The following NUP153 variants were observed in gnomAD, a reference collection of about 807,000 sequenced individuals.
NUP153 encodes the protein nuclear pore complex protein Nup153.
NUP153 carries 27 observed loss-of-function variants against 134.6 expected under a neutral mutation model. The observed-to-expected ratio is 0.20, with a 90% CI of 0.15 to 0.28. The LOEUF is 0.28. Among genes scored for constraint, NUP153 ranks in the 10% least tolerant of loss-of-function variants. NUP153 has a pLI of 1.00. For missense variants in NUP153, 1,821 were observed against 1,731.3 expected, an observed-to-expected ratio of 1.05 and a Z score of -0.92; for synonymous variants, 640 against 623.5, an observed-to-expected ratio of 1.03 and a Z score of -0.40.
Position 17,632,838 on chromosome 6 carries a change from G to C in NUP153, c.2471C>G (p.Ser824Ter). Reference protein sequence around the residue: ...VSCMSEKPGSSVPASSSSTVP... With the variant: ...VSCMSEKPGS The stretch of plus-strand genomic sequence containing the variant: ...AGTGCTGCTACTTGAAGCAGGTACT[G>C]AACTTCCTAAAAAAAAAAAAAAAAA... Residue 824 changes from serine to a stop codon, truncating the protein, a stop_gained, in exon 17 of 22, where the codon TCA (serine) becomes TGA (stop). Coordinates refer to ENST00000262077, the MANE Select transcript of NUP153 (RefSeq NM_005124.4). LOFTEE classifies it high-confidence loss of function. 2 of 1,209,470 alleles carry C rather than the reference G, an allele frequency of 1.7e-6. No homozygotes were observed. Among genetic ancestry groups the C allele is most frequent in the Non-Finnish European group, 2.3e-6 (2 of 886,332 alleles). The allele number at this position is 1,209,470 out of a possible 1,614,324, so 74.9% of individuals were successfully genotyped here. A position where few individuals can be genotyped will look rare whatever the true frequency, so the allele number is the denominator to read the frequency against.
chr6:17,696,464 T>C (rs1769649603), intron 1 of NUP153, among the ~76,000 whole-genome samples: 1 of 152,012 alleles, frequency 6.6e-6, no homozygotes, highest in South Asian at 2.1e-4. Context: ...GCTTTAAGAT[T>C]TAAAAACAAG....
At chr6:17,704,496 T>C (rs1310655996) in intron 1 of NUP153, among the ~76,000 whole-genome samples, 4 of 152,162 alleles carry the variant, frequency 2.6e-5, no homozygotes, top group Non-Finnish European at 5.9e-5. Flanking sequence ...CGGATTAGGT[T>C]AAATGGCCAG....
At chr6:17,702,806 C>A (rs1770204695) in intron 1 of NUP153, among the ~76,000 whole-genome samples, 2 of 152,184 alleles carry the variant, frequency 1.3e-5, no homozygotes, top group African/African-American at 4.8e-5. Context: ...TTCATATTTG[C>A]TTCTACAATT....
intron 11 of NUP153, 126 bp from the exon 12 acceptor site, chr6:17,649,426 C>A: frequency 1.2e-6 from 1 of 810,616 alleles, no homozygotes; most frequent in East Asian, 3.0e-5. Flanking sequence ...ATGGGTTCTT[C>A]AATCAGAAAA....
At chr6:17,639,836 C>A in intron 15 of NUP153, 103 bp downstream of exon 15, 2 of 1,049,270 alleles carry the variant, frequency 1.9e-6, no homozygotes, top group East Asian at 2.6e-5. Context: ...AATCTCCTAC[C>A]AAACTAGTCA....
chr6:17,668,144 C>T lies in NUP153; in HGVS notation c.1068+831G>A, dbSNP rs541395832. ...AGGCTGGAGTGCAGTGGCGCGGCCTCGGCTCACTGCACCCTCCGCCTCCCG... is the reference window on the plus strand; with the variant it reads ...AGGCTGGAGTGCAGTGGCGCGGCCTTGGCTCACTGCACCCTCCGCCTCCCG... On this transcript the variant is annotated intron_variant, in intron 8 of 21. Coordinates refer to ENST00000262077, the MANE Select transcript of NUP153 (RefSeq NM_005124.4). Among the ~76,000 whole-genome samples the T allele has an allele frequency of 5.5e-5, 8 of 145,296 alleles. No individual in the cohort carries two copies. In the South Asian group the frequency reaches 8.9e-4, roughly 16 times the overall value.
chr6:17,701,593 G>A (rs188147823), intron 1 of NUP153, among the ~76,000 whole-genome samples: 27 of 151,262 alleles, frequency 1.8e-4, no homozygotes, highest in African/African-American at 4.6e-4. Flanking sequence ...CCCAGGAGGC[G>A]GAGGTTGCAG....
Position 17,637,201 on chromosome 6 carries a change from T to C in NUP153, c.2416A>G (p.Asn806Asp). Residue 806 changes from asparagine to aspartate, a missense_variant, in exon 16 of 22, where the codon AAT becomes GAT. Asn to Asp is a conservative substitution (Grantham distance 23). Coordinates refer to ENST00000262077, the MANE Select transcript of NUP153 (RefSeq NM_005124.4). ...SWECSVCCVS[N>D]NAEDNKCVSC... The stretch of plus-strand genomic sequence containing the variant: ...ACACACTTATTGTCTTCTGCATTAT[T>C]AGAAACACAGCATACTGAACACTCC... The C allele has an allele frequency of 6.2e-7, 1 of 1,614,146 alleles. No individual in the cohort carries two copies. The highest frequency in any genetic ancestry group is 8.5e-7 in the Non-Finnish European group (1 of 1,179,972).
At chr6:17,655,771 A>C (rs1766777028) in intron 11 of NUP153, among the ~76,000 whole-genome samples, 1 of 152,066 alleles carries the variant, frequency 6.6e-6, no homozygotes. Flanking sequence ...TTAATTTTTT[A>C]CCAAAAATTC....
intron 2 of NUP153, among the ~76,000 whole-genome samples, chr6:17,681,441 C>T (rs189859617): frequency 0.012 from 1,879 of 152,068 alleles, 39 homozygotes; most frequent in African/African-American, 0.042. Flanking sequence ...AAAAATTAGC[C>T]GGGTGTGGTG....
intron 20 of NUP153, among the ~76,000 whole-genome samples, chr6:17,620,257 CTTACCATATATAGCTATAT>C (rs777276681): frequency 6.6e-6 from 1 of 152,076 alleles, no homozygotes; most frequent in Non-Finnish European, 1.5e-5. Context: ...CAAAGCTATA[CTTACCATATATAGCTATAT>C]GAGACTGGTA....
intron 11 of NUP153, among the ~76,000 whole-genome samples, chr6:17,661,287 C>A (rs1767159755): frequency 6.6e-6 from 1 of 152,142 alleles, no homozygotes; most frequent in Non-Finnish European, 1.5e-5. Flanking sequence ...GCACTCCAGC[C>A]TGAGCGACAG....
chr6:17,689,935 A>G (rs1348349997), intron 1 of NUP153, among the ~76,000 whole-genome samples: 2 of 152,202 alleles, frequency 1.3e-5, no homozygotes, highest in Non-Finnish European at 2.9e-5. Context: ...AGCAATTTAT[A>G]CATATTATTT....
chr6:17,701,866 T>G (rs1395989618), intron 1 of NUP153, among the ~76,000 whole-genome samples: 1 of 136,340 alleles, frequency 7.3e-6, no homozygotes, highest in African/African-American at 2.7e-5. Flanking sequence ...ATGCAGGAAC[T>G]GACTTGTAAG....
rs368923357 is a variant in NUP153 at position 17,661,804 on chromosome 6, A to G, written c.1269-25T>C. The stretch of plus-strand genomic sequence containing the variant: ...ACTGGCAAATAAAAAGAAAATTAAA[A>G]CAACTGATATATTATTGTGGTCCAT... On this transcript the variant is annotated intron_variant, in intron 10 of 21. Transcript: ENST00000262077. 41 of 1,604,704 alleles carry G rather than the reference A, an allele frequency of 2.6e-5. No individual in the cohort carries two copies. The African/African-American group carries it at 4.6e-4, about 18-fold the overall frequency.
At position 17,625,192 on chromosome 6, in the gene NUP153, T is replaced by C. The variant is rs894822256; in HGVS notation, c.3902-359A>G. On this transcript the variant is annotated intron_variant, in intron 19 of 21. Transcript: ENST00000262077. The surrounding 1 kb of genome is among the most constrained non-coding windows in gnomAD (Gnocchi z 4.7). ...ATACATTGCATAATAAAGACTGATG[T>C]TTAATAAAACAACTTCCAGTGTCTG... 6.6e-6 allele frequency among the ~76,000 whole-genome samples: 1 copy of C among 152,130 alleles called. No individual in the cohort carries two copies. The highest frequency in any genetic ancestry group is 1.5e-5 in the Non-Finnish European group (1 of 68,020).
chr6:17,622,928 A>C (rs1764719910), intron 20 of NUP153, among the ~76,000 whole-genome samples: 1 of 152,090 alleles, frequency 6.6e-6, no homozygotes, highest in African/African-American at 2.4e-5. Context: ...CAGGAGATCA[A>C]GACCACCCTG....
intron 1 of NUP153, among the ~76,000 whole-genome samples, chr6:17,701,838 G>GA (rs1435191588): frequency 1.9e-5 from 2 of 105,978 alleles, no homozygotes; most frequent in Non-Finnish European, 4.1e-5. Context: ...GTCTCGGGGG[G>GA]GGGGGGAAAA....
At chr6:17,629,605 C>T in intron 17 of NUP153, 66 bp from the exon 18 acceptor site, 1 of 1,435,404 alleles carries the variant, frequency 7.0e-7, no homozygotes, top group Non-Finnish European at 9.3e-7. Flanking sequence ...AAAATGTAAA[C>T]ACTGTGAAAG....
Sources: gnomAD v4.1 joint callset for allele counts (sites outside exome capture counted in the v4.1 genomes callset) on GRCh38, gnomAD v4.1.1 for gene constraint, Gnocchi (gnomAD v3.1) non-coding constraint, MANE v1.5 for transcripts, NCBI Gene and HGNC (gene_info 2026-07-23, HGNC 2026-07-21) for gene names.